INPP5J: variants seen among roughly 807,000 people sequenced by gnomAD.
INPP5J encodes the protein inositol polyphosphate-5-phosphatase J.
A neutral mutation model predicts 86.6 loss-of-function variants in INPP5J; 75 were observed. The ratio of observed to expected loss-of-function variants is 0.87; its 90% CI spans 0.72 to 1.05. INPP5J has a LOEUF of 1.05. INPP5J is among the 50% of genes least tolerant of loss of function. INPP5J has a pLI of 0.00. For synonymous variants in INPP5J, 540 were observed against 550.0 expected (o/e 0.98, Z 0.25); for missense variants, 1,229 against 1,341.2 (o/e 0.92, Z 1.31).
chr22:31,123,176 C>A lies in INPP5J; in HGVS notation c.105+57C>A. The A allele has an allele frequency of 6.5e-6, 7 of 1,071,478 alleles. No homozygotes were observed. The Admixed American group carries it at 1.2e-4, about 18-fold the overall frequency. The allele number at this position is 1,071,478 out of a possible 1,614,324, so 66.4% of individuals were successfully genotyped here. ...TTCCTGATCCCTGGTTCCACACACCCCCCCCACATACACTGCAGGCTCCCT... is the reference window on the plus strand; with the variant it reads ...TTCCTGATCCCTGGTTCCACACACCACCCCCACATACACTGCAGGCTCCCT... On this transcript the variant is annotated intron_variant, in intron 1 of 12. Coordinates refer to ENST00000331075, the MANE Select transcript of INPP5J (RefSeq NM_001284285.2).
At chr22:31,122,843 G>T (rs1413600720), upstream of INPP5J, 1 of 502,080 alleles carries the variant, frequency 2.0e-6, no homozygotes, top group East Asian at 3.5e-5. Context: ...CAGCCAGTTT[G>T]AAGGATTCCC....
intron 3 of INPP5J, 61 bp downstream of exon 3, chr22:31,126,550 C>G (rs889099351): frequency 6.3e-6 from 10 of 1,598,956 alleles, no homozygotes; most frequent in Admixed American, 1.7e-5. Flanking sequence ...GGCCCTCCAC[C>G]CATGGCAGGG....
chr22:31,130,510 T>C (rs1454882894), intron 9 of INPP5J, among the ~76,000 whole-genome samples: 4 of 148,370 alleles, frequency 2.7e-5, no homozygotes, highest in Non-Finnish European at 5.9e-5. Context: ...CAAGACCTTG[T>C]CTCAAAAAAA....
Position 31,126,670 on chromosome 22 carries a change from C to G in INPP5J, c.1443C>G (p.Asp481Glu). The G allele has an allele frequency of 6.2e-7, 1 of 1,613,990 alleles. No individual in the cohort carries two copies. The highest frequency in any genetic ancestry group is 8.5e-7 in the Non-Finnish European group (1 of 1,179,852). Residue 481 changes from aspartate (D) to glutamate (E), a missense_variant, in exon 4 of 13, where the codon GAC (aspartate) becomes GAG (glutamate). Physicochemically the swap from Asp to Glu is conservative, Grantham distance 45 (BLOSUM62 2). Transcript: ENST00000331075. ...GACTCAAGGACGCCCTCTTCACGGA[C>G]CAGTGGAGTGAGCTGTTCATGGATG... ...NKRLKDALFT[D>E]QWSELFMDAL...
At position 31,126,602 on chromosome 22, in the gene INPP5J, C is replaced by G. The variant is rs752998247; in HGVS notation, c.1386-11C>G. On this transcript the variant is annotated splice_polypyrimidine_tract_variant and intron_variant, in intron 3 of 12. Transcript: ENST00000331075. ...TCCAATCCCATGGCCACCCTGCCCCCACCCCTCCAGGTTGCAGGAAGTGAA... is the reference window on the plus strand; with the variant it reads ...TCCAATCCCATGGCCACCCTGCCCCGACCCCTCCAGGTTGCAGGAAGTGAA... 2 of 1,611,918 alleles carry G rather than the reference C, an allele frequency of 1.2e-6. No homozygotes were observed. Among genetic ancestry groups the G allele is most frequent in the Non-Finnish European group, 1.7e-6 (2 of 1,178,034 alleles).
At position 31,122,967 on chromosome 22, in the gene INPP5J, G is replaced by A. The variant is rs768024597; in HGVS notation, c.-48G>A. The A allele has an allele frequency of 2.4e-6, 3 of 1,258,386 alleles. No homozygotes were observed. The highest frequency in any genetic ancestry group is 1.0e-6 in the Non-Finnish European group (1 of 953,708). 78.0% of individuals were successfully genotyped at this position (1,258,386 alleles called of 1,614,324 possible). A position where few individuals can be genotyped will look rare whatever the true frequency, so the allele number is the denominator to read the frequency against. On this transcript the variant is annotated 5_prime_UTR_variant, in exon 1 of 13. Transcript: ENST00000331075. ...ACATCACTGGTTCCCGGGAGCGGTA[G>A]AGCTGGAGCCGGAGCCAAGGGAGTC...
At position 31,133,928 on chromosome 22, in the gene INPP5J, T is replaced by G. The variant is rs1922338142; in HGVS notation, c.2530T>G (p.Ser844Ala). ...TTTCCCCCAGATCTCGCTGCCTTCC[T>G]CGGAGTTGGCCAGCAGCAGCACAGA... is the stretch of plus-strand genomic sequence containing the variant. ...TEPFQISLPS[S>A]ELASSSTDSS... The change falls in exon 13 of 13, where the codon TCG becomes GCG. Residue 844 changes from serine (S) to alanine (A), a missense_variant. Coordinates refer to ENST00000331075, the MANE Select transcript of INPP5J (RefSeq NM_001284285.2). 1 of 1,611,314 alleles carries G rather than the reference T, an allele frequency of 6.2e-7. No individual in the cohort carries two copies. Among genetic ancestry groups the G allele is most frequent in the African/African-American group, 1.3e-5 (1 of 74,876 alleles).
chr22:31,132,692 T>C (rs1922159048), intron 9 of INPP5J, among the ~76,000 whole-genome samples: 1 of 150,964 alleles, frequency 6.6e-6, no homozygotes, highest in Non-Finnish European at 1.5e-5. Context: ...TGAGCCGAGA[T>C]TGCACCACTG....
Position 31,128,010 on chromosome 22 carries a change from T to A in INPP5J, c.1847T>A (p.Val616Asp). The A allele has an allele frequency of 6.2e-7, 1 of 1,613,248 alleles. No homozygotes were observed. ...ATTGAGAGCTATGACCTGCACTTTG[T>A]CAAGTTTGCCATCGACAGTGACCAG... is the stretch of plus-strand genomic sequence containing the variant. ...FRIESYDLHF[V>D]KFAIDSDQLH... Residue 616 changes from valine to aspartate, a missense_variant, in exon 7 of 13, where the codon GTC becomes GAC. Transcript: ENST00000331075.
Position 31,127,428 on chromosome 22 carries a change from G to A in INPP5J, c.1683G>A (p.Leu561=), listed in dbSNP as rs367543319. ...GHMLCFLNCH[L]PAHMDKAEQR... is the part of the protein sequence containing the mutation. ...TGCTCTGCTTCCTGAACTGCCACTT[G>A]CCTGCGCATATGGACAAGGCGGAGC... The change falls in exon 6 of 13, where the codon TTG becomes TTA. Residue 561 remains leucine (L), a synonymous_variant. Transcript: ENST00000331075. 1.2e-6 allele frequency: 2 copies of A among 1,613,864 alleles called. No individual in the cohort carries two copies. Among genetic ancestry groups the A allele is most frequent in the Non-Finnish European group, 1.7e-6 (2 of 1,179,850 alleles).
intron 9 of INPP5J, 22 bp downstream of exon 9, chr22:31,128,676 C>T (rs1428101227): frequency 6.5e-7 from 1 of 1,545,252 alleles, no homozygotes; most frequent in South Asian, 1.2e-5. Flanking sequence ...CCTCATCCTC[C>T]CCGCATGAAA....
In INPP5J at chr22:31,128,453, T is replaced by C; in HGVS notation, c.2010-18T>C. On this transcript the variant is annotated intron_variant, in intron 8 of 12. Transcript: ENST00000331075. ...GATCCCCAGCCCCTGAAACTTGGGG[T>C]ACCCCTGCTCACTGCAGTGCCAAGA... The C allele has an allele frequency of 1.2e-6, 2 of 1,612,544 alleles. No individual in the cohort carries two copies. The highest frequency in any genetic ancestry group is 1.7e-6 in the Non-Finnish European group (2 of 1,179,446).
chr22:31,127,781 G>T, intron 6 of INPP5J, 170 bp from the exon 7 acceptor site: 2 of 645,142 alleles, frequency 3.1e-6, no homozygotes, highest in Non-Finnish European at 5.5e-6. Context: ...CGGTCCCTCT[G>T]CTTTTCCTCT....
At chr22:31,124,791 G>C in intron 1 of INPP5J, 54 bp from the exon 2 acceptor site, 2 of 1,497,604 alleles carry the variant, frequency 1.3e-6, no homozygotes, top group Non-Finnish European at 1.8e-6. Context: ...ATGGAAGTTG[G>C]GGCCCAATGC....
chr22:31,129,088 C>T (rs1483548564), intron 9 of INPP5J, among the ~76,000 whole-genome samples: 2 of 151,162 alleles, frequency 1.3e-5, no homozygotes, highest in African/African-American at 2.4e-5. Flanking sequence ...CCCGCCACCA[C>T]GCCAGGCTAA....
At chr22:31,132,687 C>T (rs536111474) in intron 9 of INPP5J, among the ~76,000 whole-genome samples, 10 of 151,086 alleles carry the variant, frequency 6.6e-5, no homozygotes, top group African/African-American at 2.2e-4. Context: ...TGCAGTGAGC[C>T]GAGATTGCAC....
intron 9 of INPP5J, among the ~76,000 whole-genome samples, chr22:31,129,880 G>A (rs1031471873): frequency 6.6e-6 from 1 of 151,976 alleles, no homozygotes; most frequent in Non-Finnish European, 1.5e-5. Flanking sequence ...TCTAACTCCT[G>A]TCTTCTGAGA....
Position 31,125,709 on chromosome 22 carries a change from T to C in INPP5J, c.970T>C (p.Ser324Pro). Residue 324 changes from serine to proline, a missense_variant, in exon 2 of 13, where the codon TCC (serine) becomes CCC (proline). Transcript: ENST00000331075. ...TGGCACTCACTCCCCTGGACTTCTGTCCCCCACCTTCCGGCCTGGGGCCCC... is the reference window on the plus strand; with the variant it reads ...TGGCACTCACTCCCCTGGACTTCTGCCCCCCACCTTCCGGCCTGGGGCCCC... The part of the protein sequence containing the change: ...EPGTHSPGLL[S>P]PTFRPGAPSG... 6.4e-7 allele frequency: 1 copy of C among 1,550,624 alleles called. No homozygotes were observed. The highest frequency in any genetic ancestry group is 2.4e-5 in the East Asian group (1 of 40,860).
At position 31,125,983 on chromosome 22, in the gene INPP5J, C is replaced by G; in HGVS notation, c.1244C>G (p.Pro415Arg). 1 of 1,590,174 alleles carries G rather than the reference C, an allele frequency of 6.3e-7. No individual in the cohort carries two copies. Among genetic ancestry groups the G allele is most frequent in the African/African-American group, 1.3e-5 (1 of 74,530 alleles). Reference protein sequence around the residue: ...TLSSSPWSAQPTWKSDPGFRI... With the variant: ...TLSSSPWSAQRTWKSDPGFRI... ...TCATCCTCCCCTTGGTCAGCTCAGC[C>G]TACCTGGAAGAGCGACCCCGGCTTC... The change falls in exon 2 of 13, where the codon CCT becomes CGT. Residue 415 changes from proline to arginine, a missense_variant. By Grantham distance (103) the Pro-to-Arg change is moderately radical. Coordinates refer to ENST00000331075, the MANE Select transcript of INPP5J (RefSeq NM_001284285.2).
Sources: allele counts gnomAD v4.1 joint callset (sites outside exome capture counted in the v4.1 genomes callset), GRCh38; gene constraint gnomAD v4.1.1; transcripts MANE v1.5; gene names NCBI Gene and HGNC (gene_info 2026-07-23, HGNC 2026-07-21).